Variants in FAT4 observed in about 807,000 individuals in gnomAD.
The protein encoded by FAT4 is FAT atypical cadherin 4, also known as protocadherin Fat 4.
In FAT4, 84 loss-of-function variants were observed where a neutral mutation model predicts 303.9. The observed-to-expected ratio is 0.28, with a 90% CI of 0.23 to 0.33. The LOEUF (loss-of-function observed/expected upper bound fraction) is 0.33. Ranked by LOEUF, FAT4 falls within the 10% of genes least tolerant of loss-of-function variation. The pLI, the probability that FAT4 is intolerant of heterozygous loss-of-function variation, is 1.00. For synonymous variants in FAT4, 2,307 were observed against 2,298.8 expected, an observed-to-expected ratio of 1.00 and a Z score of -0.10; for missense variants, 6,005 against 6,146.8, an observed-to-expected ratio of 0.98 and a Z score of 0.77.
intron 12 of FAT4, 47 bp from the exon 13 acceptor site, chr4:125,476,124 G>A (rs1727020593): frequency 2.4e-6 from 3 of 1,225,982 alleles, no homozygotes; most frequent in Non-Finnish European, 3.6e-6. Context: ...AAGGCTAATA[G>A]GGACGGTAGA....
chr4:125,471,580 T>C (rs1726855586), intron 12 of FAT4, among the ~76,000 whole-genome samples: 1 of 152,276 alleles, frequency 6.6e-6, no homozygotes. Flanking sequence ...TGTTTGAAAA[T>C]ATTTGACATA....
In FAT4 at chr4:125,346,312, A is replaced by G. The variant is rs138707805; in HGVS notation, c.5175+24726A>G. ...GTGTTTTCCTTCTTTTTGTTTTTCA[A>G]GTTGGGGTACAGTAAGCTTTGGGAA... On this transcript the variant is annotated intron_variant, in intron 2 of 17. Coordinates refer to ENST00000394329, the MANE Select transcript of FAT4 (RefSeq NM_001291303.3). Among the ~76,000 whole-genome samples, 607 of 152,110 alleles carry G rather than the reference A, an allele frequency of 4.0e-3. 5 individuals are homozygous for G. Among genetic ancestry groups the G allele is most frequent in the African/African-American group, 0.014 (587 of 41,522 alleles).
At position 125,416,504 on chromosome 4, in the gene FAT4, T is replaced by G. The variant is rs1399867417; in HGVS notation, c.6900T>G (p.Phe2300Leu). 6.2e-7 allele frequency: 1 copy of G among 1,613,904 alleles called. No individual in the cohort carries two copies. Among genetic ancestry groups the G allele is most frequent in the Non-Finnish European group, 8.5e-7 (1 of 1,179,914 alleles). Residue 2300 changes from phenylalanine to leucine, a missense_variant, in exon 7 of 18, where the codon TTT becomes TTG. Coordinates refer to ENST00000394329, the MANE Select transcript of FAT4 (RefSeq NM_001291303.3). Reference protein sequence around the residue: ...GSNSKLSYVLFGGNEDNAFTL... With the variant: ...GSNSKLSYVLLGGNEDNAFTL... The stretch of plus-strand genomic sequence containing the variant: ...ACAGCAAACTCTCATATGTTCTGTT[T>G]GGTGGTAATGAAGACAATGCTTTTA...
Position 125,411,163 on chromosome 4 carries a change from T to A in FAT4, c.5920+2369T>A, listed in dbSNP as rs192405714. ...ATTGTCATCTTTTTAGATGAAGGAA[T>A]TTTATATGAAAATAAATGTCACAAT... is the stretch of plus-strand genomic sequence containing the variant. On this transcript the variant is annotated intron_variant, in intron 5 of 17. Transcript: ENST00000394329. Among the ~76,000 whole-genome samples the A allele has an allele frequency of 1.6e-3, 250 of 152,180 alleles. 1 individual carries two copies. The highest frequency in any genetic ancestry group is 2.7e-3 in the South Asian group (13 of 4,830).
chr4:125,404,217 C>T (rs572173337), intron 3 of FAT4, among the ~76,000 whole-genome samples: 4 of 152,218 alleles, frequency 2.6e-5, no homozygotes, highest in Admixed American at 2.6e-4. Context: ...AGAACTGTTT[C>T]AGCAACTTGG....
At chr4:125,380,145 G>A (rs1334420061) in intron 2 of FAT4, among the ~76,000 whole-genome samples, 3 of 151,862 alleles carry the variant, frequency 2.0e-5, no homozygotes, top group East Asian at 3.9e-4. Flanking sequence ...CACCTGCCTC[G>A]GCCTCCCAAA....
intron 2 of FAT4, among the ~76,000 whole-genome samples, chr4:125,366,542 T>G (rs1362000852): frequency 6.6e-6 from 1 of 152,206 alleles, no homozygotes; most frequent in Non-Finnish European, 1.5e-5. Flanking sequence ...TTTGCCATTG[T>G]GAATAGTGTT....
At chr4:125,419,924 G>A (rs977002836) in intron 7 of FAT4, among the ~76,000 whole-genome samples, 4 of 152,216 alleles carry the variant, frequency 2.6e-5, no homozygotes, top group African/African-American at 9.7e-5. Context: ...AATCAATCAG[G>A]CTTCCTTAAA....
chr4:125,379,078 C>T (rs1327974063), intron 2 of FAT4, among the ~76,000 whole-genome samples: 3 of 152,014 alleles, frequency 2.0e-5, no homozygotes, highest in African/African-American at 4.8e-5. Context: ...GGTTATTGGT[C>T]CATTCCAATT....
intron 7 of FAT4, among the ~76,000 whole-genome samples, chr4:125,430,473 T>G (rs1725248108): frequency 6.6e-6 from 1 of 152,096 alleles, no homozygotes; most frequent in Non-Finnish European, 1.5e-5. Flanking sequence ...TCAAACACAT[T>G]GGAGGCACGA....
chr4:125,373,814 G>A (rs1733214808), intron 2 of FAT4, among the ~76,000 whole-genome samples: 1 of 152,036 alleles, frequency 6.6e-6, no homozygotes, highest in Non-Finnish European at 1.5e-5. Context: ...CCATCAATAG[G>A]GCTACGGCAT....
At chr4:125,461,405 T>C (rs1207641901) in intron 10 of FAT4, among the ~76,000 whole-genome samples, 1 of 152,062 alleles carries the variant, frequency 6.6e-6, no homozygotes, top group Non-Finnish European at 1.5e-5. Flanking sequence ...AGAGAGCACA[T>C]ATGTCCAATT....
At chr4:125,402,127 T>A (rs1045807236) in intron 3 of FAT4, among the ~76,000 whole-genome samples, 1 of 152,010 alleles carries the variant, frequency 6.6e-6, no homozygotes, top group African/African-American at 2.4e-5. Context: ...TTGTTTTTTA[T>A]CAACACAGCC....
intron 12 of FAT4, among the ~76,000 whole-genome samples, chr4:125,475,470 G>T (rs1250596669): frequency 1.3e-5 from 2 of 151,896 alleles, no homozygotes; most frequent in African/African-American, 4.8e-5. Context: ...AAGGGAATAC[G>T]CATCCCTTAG....
intron 8 of FAT4, among the ~76,000 whole-genome samples, chr4:125,441,351 A>G (rs1268789327): frequency 1.3e-5 from 2 of 152,202 alleles, no homozygotes; most frequent in East Asian, 3.9e-4. Context: ...AAGATATTCT[A>G]GGCAAAGACA....
At chr4:125,464,374 G>A (rs1726584707) in intron 11 of FAT4, among the ~76,000 whole-genome samples, 1 of 152,106 alleles carries the variant, frequency 6.6e-6, no homozygotes, top group Non-Finnish European at 1.5e-5. Context: ...GAGATTCAGA[G>A]GAAGCATTTG....
rs1277413637 is a variant in FAT4 at position 125,385,001 on chromosome 4, CATATAT to C, written c.5176-13764_5176-13759del. On this transcript the variant is annotated intron_variant, in intron 2 of 17. Transcript: ENST00000394329. ...AGAAACACACACATATATATATATA[CATATAT>C]ATATATATATATATATATTTTTTTT... Among the ~76,000 whole-genome samples the C allele has an allele frequency of 1.8e-3, 222 of 120,254 alleles. 6 individuals carry two copies. The East Asian group carries it at 0.039, about 21-fold the overall frequency. The allele number at this position is 120,254 out of a possible 152,430, so 78.9% of individuals were successfully genotyped here.
chr4:125,381,037 T>G (rs1733516939), intron 2 of FAT4, among the ~76,000 whole-genome samples: 2 of 152,242 alleles, frequency 1.3e-5, no homozygotes, highest in Admixed American at 1.3e-4. Flanking sequence ...TCAATAAAAC[T>G]AACGTTAGTA....
chr4:125,422,835 A>C (rs1724953839), intron 7 of FAT4, among the ~76,000 whole-genome samples: 1 of 152,152 alleles, frequency 6.6e-6, no homozygotes. Flanking sequence ...AAAGTTTGGA[A>C]CTTCCTACAG....
Sources: gnomAD v4.1 joint callset for allele counts (sites outside exome capture counted in the v4.1 genomes callset) on GRCh38, gnomAD v4.1.1 for gene constraint, MANE v1.5 for transcripts, NCBI Gene and HGNC (gene_info 2026-07-23, HGNC 2026-07-21) for gene names.